The following LRRC28 variants were observed in gnomAD, a reference collection of about 807,000 sequenced individuals.
LRRC28 encodes leucine rich repeat containing 28.
In LRRC28, 39 loss-of-function variants were observed where a neutral mutation model predicts 45.7. The observed-to-expected ratio is 0.85, with a 90% CI of 0.66 to 1.12. The LOEUF is 1.12. Ranked by LOEUF, LRRC28 falls within the 50% of genes most tolerant of loss-of-function variation. The pLI, the probability that LRRC28 is intolerant of heterozygous loss-of-function variation, is 0.00. For synonymous variants in LRRC28, 206 were observed against 178.8 expected, an observed-to-expected ratio of 1.15 and a Z score of -1.22; for missense variants, 435 against 438.5, an observed-to-expected ratio of 0.99 and a Z score of 0.07.
intron 5 of LRRC28, among the ~76,000 whole-genome samples, chr15:99,322,257 C>T (rs746718469): frequency 1.3e-5 from 2 of 152,076 alleles, no homozygotes; most frequent in Non-Finnish European, 2.9e-5. Context: ...AGGGCAGAGT[C>T]TGGGGGCAGG....
At chr15:99,320,708 AC>A (rs1955766224) in intron 5 of LRRC28, 2 of 152,178 alleles carry the variant, frequency 1.3e-5, no homozygotes, top group African/African-American at 4.8e-5. Flanking sequence ...CCAAAATCAA[AC>A]TATTTCTGGC....
chr15:99,272,888 T>C (rs994972774), intron 2 of LRRC28, among the ~76,000 whole-genome samples: 1 of 152,204 alleles, frequency 6.6e-6, no homozygotes, highest in Admixed American at 6.5e-5. Flanking sequence ...ATCAGGATTT[T>C]AAATTTAAAA....
rs571200440 is a variant in LRRC28, at chr15:99,294,698, C to T, written c.385+6747C>T. Reference sequence around the variant, plus strand: ...TAAGGGCACTAATTCCACTCATGAGCGTTTCACCCTTAGGACCTCCCAAAG... The same window carrying T: ...TAAGGGCACTAATTCCACTCATGAGTGTTTCACCCTTAGGACCTCCCAAAG... On this transcript the variant is annotated intron_variant, in intron 5 of 9. Coordinates refer to ENST00000301981, the MANE Select transcript of LRRC28 (RefSeq NM_144598.5). Among the ~76,000 whole-genome samples, 9 of 152,306 alleles carry T rather than the reference C, an allele frequency of 5.9e-5. No individual in the cohort carries two copies. In the South Asian group the frequency reaches 1.0e-3, roughly 18 times the overall value.
At chr15:99,302,529 C>T (rs896377552) in intron 5 of LRRC28, among the ~76,000 whole-genome samples, 1 of 152,200 alleles carries the variant, frequency 6.6e-6, no homozygotes, top group African/African-American at 2.4e-5. Flanking sequence ...GCTGGGATTA[C>T]AGGCATGTGC....
chr15:99,377,481 A>G (rs915149439), intron 9 of LRRC28, among the ~76,000 whole-genome samples: 5 of 152,090 alleles, frequency 3.3e-5, no homozygotes, highest in Non-Finnish European at 7.4e-5. Flanking sequence ...ATTTTCTCCC[A>G]TTCTATAGGT....
intron 5 of LRRC28, among the ~76,000 whole-genome samples, chr15:99,309,985 G>A (rs1037840891): frequency 2.6e-5 from 4 of 152,154 alleles, no homozygotes; most frequent in Admixed American, 6.5e-5. Context: ...ATGCACCCTC[G>A]GGACATCTTG....
rs960332441 is a variant in LRRC28, at chr15:99,387,255, T to C, written c.*1153T>C. On this transcript the variant is annotated 3_prime_UTR_variant, in exon 10 of 10. Transcript: ENST00000301981. The stretch of plus-strand genomic sequence containing the variant: ...TTTTGTATTTTTAGTAGAGACGGGG[T>C]TTCACCGTGTTAGCCGGGATGGTCT... 3 of 150,618 alleles carry C rather than the reference T, an allele frequency of 2.0e-5. No individual in the cohort carries two copies. Among genetic ancestry groups the C allele is most frequent in the Admixed American group, 6.6e-5 (1 of 15,058 alleles). The allele number at this position is 150,618 out of a possible 1,614,324, so 9.3% of individuals were successfully genotyped here.
At chr15:99,253,308 A>G (rs913109088) in intron 1 of LRRC28, among the ~76,000 whole-genome samples, 1 of 152,094 alleles carries the variant, frequency 6.6e-6, no homozygotes, top group Middle Eastern at 3.2e-3. Flanking sequence ...TTTAGTAGAG[A>G]TGGGGTTTCG....
intron 5 of LRRC28, among the ~76,000 whole-genome samples, chr15:99,316,058 T>C (rs1005630036): frequency 2.0e-5 from 3 of 152,204 alleles, no homozygotes; most frequent in African/African-American, 7.2e-5. Flanking sequence ...ATTAATGGAA[T>C]CTGCTCATGT....
In LRRC28 at chr15:99,387,191, G is replaced by A. The variant is rs948028675; in HGVS notation, c.*1089G>A. On this transcript the variant is annotated 3_prime_UTR_variant, in exon 10 of 10. Coordinates refer to ENST00000301981, the MANE Select transcript of LRRC28 (RefSeq NM_144598.5). ...TTCTCCTGCCTCAGCCTCCCAAGTA[G>A]CTGGGACCACAGGCGCCCGCCACCA... is the stretch of plus-strand genomic sequence containing the variant. The A allele has an allele frequency of 1.0e-4, 15 of 144,282 alleles. 1 individual carries two copies. In the South Asian group the frequency reaches 1.9e-3, roughly 19 times the overall value. 8.9% of individuals were successfully genotyped at this position (144,282 alleles called of 1,614,324 possible). A position where few individuals can be genotyped will look rare whatever the true frequency, so the allele number is the denominator to read the frequency against.
chr15:99,293,609 A>C (rs1267304668), intron 5 of LRRC28, among the ~76,000 whole-genome samples: 14 of 129,248 alleles, frequency 1.1e-4, no homozygotes, highest in East Asian at 4.1e-4. Context: ...AAAAAAAAAA[A>C]AAAAAAAAAA....
intron 2 of LRRC28, among the ~76,000 whole-genome samples, chr15:99,269,526 C>T (rs1376944771): frequency 6.6e-6 from 1 of 152,098 alleles, no homozygotes; most frequent in Non-Finnish European, 1.5e-5. Flanking sequence ...GCCTCATCCT[C>T]CCGAGTAGCT....
chr15:99,264,823 T>C (rs576673269), intron 2 of LRRC28, among the ~76,000 whole-genome samples: 4 of 152,050 alleles, frequency 2.6e-5, no homozygotes, highest in Non-Finnish European at 2.9e-5. Context: ...TAGAGAGGAG[T>C]TGAACCTCTG....
chr15:99,259,102 A>C, intron 2 of LRRC28: 1 of 1,272,240 alleles, frequency 7.9e-7, no homozygotes, highest in Non-Finnish European at 1.1e-6. Context: ...AGCTTGGTGT[A>C]ATTGAAGACC....
intron 9 of LRRC28, among the ~76,000 whole-genome samples, chr15:99,381,043 G>T (rs898350672): frequency 6.6e-6 from 1 of 152,122 alleles, no homozygotes; most frequent in African/African-American, 2.4e-5. Context: ...TATCTTTGTG[G>T]TGTTCTCTGT....
At chr15:99,301,868 C>T (rs1954982232) in intron 5 of LRRC28, among the ~76,000 whole-genome samples, 1 of 152,018 alleles carries the variant, frequency 6.6e-6, no homozygotes, top group African/African-American at 2.4e-5. Context: ...GAAAGAGAAC[C>T]TGTATTTCCT....
At position 99,339,027 on chromosome 15, in the gene LRRC28, G is replaced by A. The variant is rs114449665; in HGVS notation, c.592+4898G>A. Reference sequence around the variant, plus strand: ...AAAGCAGTCACTTGAGCCTAGTGCTGTGAAATTTAATAGAGGCCTCGAGAC... The same window carrying A: ...AAAGCAGTCACTTGAGCCTAGTGCTATGAAATTTAATAGAGGCCTCGAGAC... On this transcript the variant is annotated intron_variant, in intron 6 of 9. Coordinates refer to ENST00000301981, the MANE Select transcript of LRRC28 (RefSeq NM_144598.5). 1.7e-3 allele frequency among the ~76,000 whole-genome samples: 260 copies of A among 152,336 alleles called. 2 individuals carry two copies. Among genetic ancestry groups the A allele is most frequent in the African/African-American group, 5.4e-3 (225 of 41,574 alleles).
At chr15:99,252,285 T>C (rs1349563370) in intron 1 of LRRC28, among the ~76,000 whole-genome samples, 1 of 152,246 alleles carries the variant, frequency 6.6e-6, no homozygotes, top group Non-Finnish European at 1.5e-5. Flanking sequence ...CGTGAATGCA[T>C]ACTGCAAAAC....
intron 5 of LRRC28, among the ~76,000 whole-genome samples, chr15:99,298,584 G>A (rs1313700496): frequency 2.0e-5 from 3 of 152,118 alleles, no homozygotes; most frequent in Admixed American, 1.3e-4. Context: ...ATAACCATTT[G>A]TTTATGATGA....
Sources: gnomAD v4.1 joint callset for allele counts (sites outside exome capture counted in the v4.1 genomes callset) on GRCh38, gnomAD v4.1.1 for gene constraint, MANE v1.5 for transcripts, NCBI Gene and HGNC (gene_info 2026-07-23, HGNC 2026-07-21) for gene names.